Variants in ERG observed in about 807,000 individuals in gnomAD.
ERG encodes the protein transcriptional regulator ERG.
ERG carries 9 observed loss-of-function variants against 55.3 expected under a neutral mutation model. The observed-to-expected ratio is 0.16, with a 90% confidence interval of 0.10 to 0.28. The LOEUF (loss-of-function observed/expected upper bound fraction) is 0.28, where lower values mean the gene tolerates loss of function less well. Among genes scored for constraint, ERG ranks in the 10% least tolerant of loss-of-function variants. The probability of loss-of-function intolerance (pLI) is 1.00; values close to 1 mark genes in which losing one functional copy is unlikely to be tolerated. For missense variants in ERG, 434 were observed against 631.6 expected (o/e 0.69, Z 3.35); for synonymous variants, 223 against 237.3 (o/e 0.94, Z 0.55).
chr21:38,468,114 T>A (rs758896738), intron 1 of ERG, among the ~76,000 whole-genome samples: 2 of 152,130 alleles, frequency 1.3e-5, no homozygotes, highest in Non-Finnish European at 2.9e-5. Flanking sequence ...GTGCTTCAAG[T>A]GAAAGGGCTG....
chr21:38,380,674 T>C lies in ERG; in HGVS notation c.*2729A>G, dbSNP rs1185098644. 8 of 1,064,962 alleles carry C rather than the reference T, an allele frequency of 7.5e-6. No homozygotes were observed. In the South Asian group the frequency reaches 1.8e-4, roughly 24 times the overall value. 66.0% of individuals were successfully genotyped at this position (1,064,962 alleles called of 1,614,324 possible). A position where few individuals can be genotyped will look rare whatever the true frequency, so the allele number is the denominator to read the frequency against. On this transcript the variant is annotated 3_prime_UTR_variant, in exon 10 of 10. Coordinates refer to ENST00000288319, the MANE Select transcript of ERG (RefSeq NM_182918.4). ...CCATTTTGAAACAATTTAAGAATTA[T>C]GTATTTGAAGGAACTCAGTATTATC...
rs149188201 is a variant in ERG, at chr21:38,610,788, C to T, written c.-149-25843G>A. On this transcript the variant is annotated intron_variant, in intron 1 of 10. Transcript: ENST00000398910. Reference sequence around the variant, plus strand: ...TCTAATGCAATGCAACACCAACCCACGCTGTGTCTCTCTCTGTCCTTGGCG... The same window carrying T: ...TCTAATGCAATGCAACACCAACCCATGCTGTGTCTCTCTCTGTCCTTGGCG... 1.9e-4 allele frequency among the ~76,000 whole-genome samples: 29 copies of T among 152,326 alleles called. No individual in the cohort carries two copies. The East Asian group carries it at 2.1e-3, about 11-fold the overall frequency.
intron 1 of ERG, among the ~76,000 whole-genome samples, chr21:38,591,202 T>C (rs79259856): frequency 0.013 from 1,907 of 152,304 alleles, 31 homozygotes; most frequent in African/African-American, 0.043. Flanking sequence ...GAGAGATTCA[T>C]GTCCAGGAGA....
chr21:38,411,930 T>C (rs1171458951), intron 3 of ERG, among the ~76,000 whole-genome samples: 2 of 152,238 alleles, frequency 1.3e-5, no homozygotes, highest in Non-Finnish European at 2.9e-5. Context: ...TTAGCCTTTT[T>C]TCACTATGTA....
In ERG at chr21:38,416,227, C is replaced by A. The variant is rs577010173; in HGVS notation, c.388+7183G>T. Among the ~76,000 whole-genome samples, 14 of 152,302 alleles carry A rather than the reference C, an allele frequency of 9.2e-5. 1 individual carries two copies. Among genetic ancestry groups the A allele is most frequent in the Middle Eastern group, 3.4e-3 (1 of 294 alleles). On this transcript the variant is annotated intron_variant, in intron 3 of 9. Coordinates refer to ENST00000288319, the MANE Select transcript of ERG (RefSeq NM_182918.4). ...TGAGCTATTCTCTAATGTAACTCAG[C>A]GCTCACAGAAGATGTCACAAGAAAT...
intron 1 of ERG, among the ~76,000 whole-genome samples, chr21:38,653,756 T>C (rs1319122133): frequency 6.6e-6 from 1 of 152,226 alleles, no homozygotes; most frequent in Non-Finnish European, 1.5e-5. Context: ...GTCCCGTGTC[T>C]TAACAGTCCC....
At chr21:38,531,634 C>T (rs529730411) in intron 2 of ERG, among the ~76,000 whole-genome samples, 94 of 152,254 alleles carry the variant, frequency 6.2e-4, no homozygotes, top group Middle Eastern at 3.4e-3. Context: ...TGTAGAACAG[C>T]GGCAAGCAAA....
chr21:38,520,045 A>AG (rs1287049630), intron 2 of ERG, among the ~76,000 whole-genome samples: 2 of 151,392 alleles, frequency 1.3e-5, no homozygotes, highest in African/African-American at 4.9e-5. Flanking sequence ...CAAAAACAAA[A>AG]AAAACTTCCA....
chr21:38,444,876 T>G (rs1419646721), intron 2 of ERG, among the ~76,000 whole-genome samples: 1 of 152,050 alleles, frequency 6.6e-6, no homozygotes, highest in African/African-American at 2.4e-5. Flanking sequence ...TAGCTGACAC[T>G]CTCCCTTTGT....
intron 1 of ERG, among the ~76,000 whole-genome samples, chr21:38,472,812 T>A (rs192848674): frequency 2.0e-5 from 3 of 152,362 alleles, no homozygotes; most frequent in Admixed American, 1.3e-4. Context: ...GGGCAATTCG[T>A]GCGCTTGGAG....
intron 2 of ERG, among the ~76,000 whole-genome samples, chr21:38,442,410 A>G (rs1406158617): frequency 2.0e-5 from 3 of 152,132 alleles, no homozygotes; most frequent in African/African-American, 7.2e-5. Context: ...GAAAAATAAA[A>G]AAGAAAGAAA....
At chr21:38,642,464 C>A (rs2060431178) in intron 1 of ERG, among the ~76,000 whole-genome samples, 1 of 34,940 alleles carries the variant, frequency 2.9e-5, no homozygotes, top group Non-Finnish European at 5.1e-5. Flanking sequence ...CCTCACACCC[C>A]ACCCTAAATC....
At chr21:38,537,287 G>A (rs541253232) in intron 2 of ERG, among the ~76,000 whole-genome samples, 2 of 151,958 alleles carry the variant, frequency 1.3e-5, no homozygotes, top group Non-Finnish European at 2.9e-5. Context: ...AAAAGCACAG[G>A]CAACATAAAT....
chr21:38,596,061 G>T (rs566540284), intron 1 of ERG, among the ~76,000 whole-genome samples: 4 of 151,136 alleles, frequency 2.6e-5, no homozygotes, highest in South Asian at 2.1e-4. Context: ...GGGATTGGGG[G>T]GGGGGGGTCT....
At chr21:38,408,175 C>G (rs1163657887) in intron 3 of ERG, among the ~76,000 whole-genome samples, 1 of 152,092 alleles carries the variant, frequency 6.6e-6, no homozygotes, top group Non-Finnish European at 1.5e-5. Context: ...GAGGGCATTC[C>G]TTTTCTCCTG....
chr21:38,507,235 G>A (rs779712618), intron 2 of ERG, among the ~76,000 whole-genome samples: 1 of 152,192 alleles, frequency 6.6e-6, no homozygotes, highest in Non-Finnish European at 1.5e-5. Context: ...CGCTGGAGGC[G>A]GGGAGCCTTC....
chr21:38,412,176 C>T (rs114024075), intron 3 of ERG, among the ~76,000 whole-genome samples: 81 of 152,208 alleles, frequency 5.3e-4, no homozygotes, highest in African/African-American at 1.9e-3. Context: ...GGTCTATCTA[C>T]ACTTATTATC....
In ERG at chr21:38,510,672, C is replaced by T. The variant is rs1056696441; in HGVS notation, c.-41+64990G>A. On this transcript the variant is annotated intron_variant, in intron 2 of 8. Transcript: ENST00000398897. ...AGATGTGAAGTATCAGCGGCTACCT[C>T]GTAGTGACCCATGGAAGTTGAGGCT... is the stretch of plus-strand genomic sequence containing the variant. Among the ~76,000 whole-genome samples, 3 of 152,306 alleles carry T rather than the reference C, an allele frequency of 2.0e-5. 1 individual carries two copies. Among genetic ancestry groups the T allele is most frequent in the Non-Finnish European group, 4.4e-5 (3 of 68,022 alleles).
intron 1 of ERG, among the ~76,000 whole-genome samples, chr21:38,496,835 T>A (rs1428244031): frequency 6.6e-6 from 1 of 152,228 alleles, no homozygotes; most frequent in Admixed American, 6.5e-5. Context: ...AATGTCCTTT[T>A]TAATGCACTG....
Sources: allele counts gnomAD v4.1 joint callset (sites outside exome capture counted in the v4.1 genomes callset), GRCh38; gene constraint gnomAD v4.1.1; transcripts MANE v1.5; gene names NCBI Gene and HGNC (gene_info 2026-07-23, HGNC 2026-07-21).